Variants in ADAMTS6 observed in about 807,000 individuals in gnomAD.
ADAMTS6 encodes the protein ADAM metallopeptidase with thrombospondin type 1 motif 6, also known as A disintegrin and metalloproteinase with thrombospondin motifs 6.
Under a neutral mutation model 144.3 loss-of-function variants are expected in ADAMTS6, and 23 were observed. That is an observed-to-expected ratio of 0.16 (90% CI 0.11 to 0.23). ADAMTS6 has a LOEUF of 0.23. Among genes scored for constraint, ADAMTS6 ranks in the 10% least tolerant of loss-of-function variants. The probability of loss-of-function intolerance (pLI) is 1.00; values close to 1 mark genes in which losing one functional copy is unlikely to be tolerated. For synonymous variants in ADAMTS6, 444 were observed against 457.5 expected (o/e 0.97, Z 0.38); for missense variants, 999 against 1,379.6 (o/e 0.72, Z 4.37).
At chr5:65,405,891 T>A (rs372134008) in intron 7 of ADAMTS6, among the ~76,000 whole-genome samples, 3 of 152,302 alleles carry the variant, frequency 2.0e-5, no homozygotes, top group South Asian at 2.1e-4. Flanking sequence ...CCTAGGTATT[T>A]TCTTCTCTCT....
chr5:65,437,326 C>G (rs1757516399), intron 7 of ADAMTS6, among the ~76,000 whole-genome samples: 1 of 152,062 alleles, frequency 6.6e-6, no homozygotes, highest in East Asian at 1.9e-4. Flanking sequence ...GATATCCTGA[C>G]CTCGTGATCC....
At chr5:65,191,558 T>C (rs765001275) in intron 21 of ADAMTS6, among the ~76,000 whole-genome samples, 1 of 152,046 alleles carries the variant, frequency 6.6e-6, no homozygotes, top group Non-Finnish European at 1.5e-5. Flanking sequence ...ATTGTAAAAA[T>C]CTTCAGAATT....
chr5:65,166,108 C>A (rs1226467989), intron 24 of ADAMTS6, among the ~76,000 whole-genome samples: 1 of 140,426 alleles, frequency 7.1e-6, no homozygotes, highest in Non-Finnish European at 1.6e-5. Context: ...AGAGTCAAGA[C>A]CCATCAGTGT....
chr5:65,171,542 T>C (rs1156617076), intron 23 of ADAMTS6, among the ~76,000 whole-genome samples: 1 of 152,082 alleles, frequency 6.6e-6, no homozygotes, highest in African/African-American at 2.4e-5. Flanking sequence ...TGTGATGAAG[T>C]AGAATAATGA....
chr5:65,436,805 C>T (rs887546672), intron 7 of ADAMTS6, among the ~76,000 whole-genome samples: 3 of 151,702 alleles, frequency 2.0e-5, no homozygotes, highest in African/African-American at 7.3e-5. Context: ...TTGCAGTGGG[C>T]CAACACAGTG....
chr5:65,437,044 A>G (rs1377004579), intron 7 of ADAMTS6, among the ~76,000 whole-genome samples: 1 of 151,940 alleles, frequency 6.6e-6, no homozygotes, highest in East Asian at 1.9e-4. Context: ...GGTGAAAGAC[A>G]TGTCTCACAT....
chr5:65,226,912 G>T (rs1162402637), intron 15 of ADAMTS6, among the ~76,000 whole-genome samples: 1 of 152,088 alleles, frequency 6.6e-6, no homozygotes, highest in Non-Finnish European at 1.5e-5. Flanking sequence ...AAAAACCTAA[G>T]AAAATAAAAT....
chr5:65,324,049 T>G (rs1476575101), intron 9 of ADAMTS6, among the ~76,000 whole-genome samples: 1 of 152,168 alleles, frequency 6.6e-6, no homozygotes, highest in African/African-American at 2.4e-5. Context: ...TTGCAAAAAT[T>G]TTCTCCCATT....
At chr5:65,332,304 TATATATATAGAGAGAGAGAG>T (rs1325874274) in intron 8 of ADAMTS6, among the ~76,000 whole-genome samples, 2 of 117,860 alleles carry the variant, frequency 1.7e-5, no homozygotes, top group Non-Finnish European at 3.8e-5. Flanking sequence ...TATATATATA[TATATATATAGAGAGAGAGAG>T]AGAGAGAGAG....
chr5:65,370,038 G>A (rs1305517239), intron 7 of ADAMTS6, among the ~76,000 whole-genome samples: 1 of 151,844 alleles, frequency 6.6e-6, no homozygotes, highest in African/African-American at 2.4e-5. Context: ...GAAACCAAAT[G>A]AACAGTATAT....
At chr5:65,288,010 A>G (rs1423845328) in intron 11 of ADAMTS6, among the ~76,000 whole-genome samples, 2 of 152,192 alleles carry the variant, frequency 1.3e-5, no homozygotes, top group Non-Finnish European at 2.9e-5. Context: ...CACAACTTCT[A>G]TAGGAATTTA....
At chr5:65,375,907 T>C (rs1272494746) in intron 7 of ADAMTS6, among the ~76,000 whole-genome samples, 2 of 152,182 alleles carry the variant, frequency 1.3e-5, no homozygotes, top group East Asian at 1.9e-4. Context: ...GTGGCACATA[T>C]ACACCATGGA....
At chr5:65,269,017 G>C (rs1194000617) in intron 12 of ADAMTS6, among the ~76,000 whole-genome samples, 1 of 152,068 alleles carries the variant, frequency 6.6e-6, no homozygotes, top group Admixed American at 6.6e-5. Context: ...GGTGAGAGTA[G>C]TTTTGAAACT....
At chr5:65,443,923 G>C (rs1189621509) in intron 7 of ADAMTS6, among the ~76,000 whole-genome samples, 1 of 152,012 alleles carries the variant, frequency 6.6e-6, no homozygotes, top group African/African-American at 2.4e-5. Context: ...AACAAAACAA[G>C]GATCTCTGCT....
At chr5:65,319,689 AGGAAGGAAGGGAGGGAGGGAGGGAG>A (rs1561418283) in intron 9 of ADAMTS6, among the ~76,000 whole-genome samples, 52 of 63,634 alleles carry the variant, frequency 8.2e-4, no homozygotes, top group African/African-American at 2.4e-3. Context: ...GAGGGAGGGA[AGGAAGGAAGGGAGGGAGGGAGGGAG>A]GGAAGGGAGG....
At chr5:65,349,803 C>T (rs1340122471) in intron 7 of ADAMTS6, among the ~76,000 whole-genome samples, 2 of 149,928 alleles carry the variant, frequency 1.3e-5, no homozygotes, top group Admixed American at 6.7e-5. Flanking sequence ...TGCAGTGAGC[C>T]GAGATCGTGC....
chr5:65,398,830 A>AAG (rs1271019460), intron 7 of ADAMTS6, among the ~76,000 whole-genome samples: 1 of 146,176 alleles, frequency 6.8e-6, no homozygotes, highest in South Asian at 2.1e-4. Context: ...GAAAGAAAGA[A>AAG]AGAAAGAAAG....
intron 7 of ADAMTS6, among the ~76,000 whole-genome samples, chr5:65,338,300 G>C (rs560017311): frequency 6.6e-6 from 1 of 152,208 alleles, no homozygotes; most frequent in Non-Finnish European, 1.5e-5. Flanking sequence ...ACTTTTGAGT[G>C]AGTAGATGAA....
At chr5:65,268,745 A>G (rs562463373) in intron 12 of ADAMTS6, among the ~76,000 whole-genome samples, 1 of 152,220 alleles carries the variant, frequency 6.6e-6, no homozygotes, top group Non-Finnish European at 1.5e-5. Context: ...TTCTTACTCC[A>G]TCTGTTAAAT....
Sources: allele counts gnomAD v4.1 joint callset (sites outside exome capture counted in the v4.1 genomes callset), GRCh38; gene constraint gnomAD v4.1.1; transcripts MANE v1.5; gene names NCBI Gene and HGNC (gene_info 2026-07-23, HGNC 2026-07-21).